Variants in CCNY observed in about 807,000 individuals in gnomAD.
The protein encoded by CCNY is cyclin Y.
CCNY carries 19 observed loss-of-function variants against 42.8 expected under a neutral mutation model. That is an observed-to-expected ratio of 0.44 (90% confidence interval 0.31 to 0.65). CCNY has a LOEUF of 0.65. Ranked by LOEUF, CCNY falls within the 30% of genes least tolerant of loss-of-function variation. The pLI, the probability that CCNY is intolerant of heterozygous loss-of-function variation, is 0.07. For synonymous variants in CCNY, 165 were observed against 162.7 expected (o/e 1.01, Z -0.11); for missense variants, 370 against 437.3 (o/e 0.85, Z 1.37).
intron 3 of CCNY, among the ~76,000 whole-genome samples, chr10:35,272,793 G>C (rs1024987661): frequency 6.6e-6 from 1 of 152,146 alleles, no homozygotes; most frequent in East Asian, 1.9e-4. Context: ...CCCAGTAATG[G>C]AATTGCTGGG....
chr10:35,572,064 C>T lies in CCNY; in HGVS notation c.*2894C>T, dbSNP rs1240932330. The T allele has an allele frequency of 4.0e-5, 6 of 151,882 alleles. No individual in the cohort carries two copies. The highest frequency in any genetic ancestry group is 8.8e-5 in the Non-Finnish European group (6 of 68,004). The allele number at this position is 151,882 out of a possible 1,614,324, so 9.4% of individuals were successfully genotyped here. ...TCCTGCCAAGATCGGGATGTGCCTTCATGCATGAGGTGAGGCCAGAGGTGT... is the reference window on the plus strand; with the variant it reads ...TCCTGCCAAGATCGGGATGTGCCTTTATGCATGAGGTGAGGCCAGAGGTGT... On this transcript the variant is annotated 3_prime_UTR_variant, in exon 10 of 10. Transcript: ENST00000374704.
chr10:35,484,051 T>C (rs1839733134), intron 2 of CCNY, among the ~76,000 whole-genome samples: 1 of 152,236 alleles, frequency 6.6e-6, no homozygotes, highest in Non-Finnish European at 1.5e-5. Context: ...GAGTTTTCTC[T>C]CTTTTCAGCC....
intron 1 of CCNY, among the ~76,000 whole-genome samples, chr10:35,478,587 T>A (rs1168835930): frequency 6.6e-6 from 1 of 152,204 alleles, no homozygotes; most frequent in Admixed American, 6.5e-5. Context: ...GCTAGCCATA[T>A]GGAGAAAGCT....
chr10:35,385,332 G>T (rs1011701632), intron 1 of CCNY, among the ~76,000 whole-genome samples: 1 of 152,118 alleles, frequency 6.6e-6, no homozygotes, highest in African/African-American at 2.4e-5. Context: ...CTCCCTCACC[G>T]TTTGCCAGCA....
chr10:35,351,285 T>A (rs1486202541), intron 1 of CCNY, among the ~76,000 whole-genome samples: 2 of 152,218 alleles, frequency 1.3e-5, no homozygotes, highest in Non-Finnish European at 2.9e-5. Flanking sequence ...ATACGACACA[T>A]CTGGAAGTGA....
chr10:35,493,209 C>T (rs762137207), intron 2 of CCNY, among the ~76,000 whole-genome samples: 1 of 152,192 alleles, frequency 6.6e-6, no homozygotes, highest in Non-Finnish European at 1.5e-5. Context: ...TACCTTTTAT[C>T]ATATCCTCTC....
intron 1 of CCNY, among the ~76,000 whole-genome samples, chr10:35,423,381 C>G (rs1282745982): frequency 6.6e-6 from 1 of 151,764 alleles, no homozygotes; most frequent in Non-Finnish European, 1.5e-5. Flanking sequence ...AGGCTGAGGT[C>G]CGCGGATTAC....
chr10:35,368,324 T>C (rs1479868981), intron 1 of CCNY, among the ~76,000 whole-genome samples: 1 of 152,228 alleles, frequency 6.6e-6, no homozygotes, highest in East Asian at 1.9e-4. Flanking sequence ...TTGCAGAAAC[T>C]GCTTTGCACT....
chr10:35,503,157 C>CA (rs1840145362), intron 3 of CCNY, among the ~76,000 whole-genome samples: 1 of 152,154 alleles, frequency 6.6e-6, no homozygotes, highest in South Asian at 2.1e-4. Flanking sequence ...GCACCTGCCA[C>CA]ACACTTGAGA....
At chr10:35,458,160 C>A (rs1839079020) in intron 1 of CCNY, among the ~76,000 whole-genome samples, 1 of 152,180 alleles carries the variant, frequency 6.6e-6, no homozygotes, top group African/African-American at 2.4e-5. Flanking sequence ...TGCTTGACTG[C>A]TGTAGAGGAA....
chr10:35,284,016 G>A (rs1835325966), intron 3 of CCNY, among the ~76,000 whole-genome samples: 1 of 152,064 alleles, frequency 6.6e-6, no homozygotes, highest in Admixed American at 6.6e-5. Flanking sequence ...CCCGGGAGAT[G>A]GGGGCTGCAG....
At chr10:35,369,724 T>C (rs997050474) in intron 1 of CCNY, among the ~76,000 whole-genome samples, 1 of 152,242 alleles carries the variant, frequency 6.6e-6, no homozygotes, top group African/African-American at 2.4e-5. Flanking sequence ...CCTACTAATA[T>C]GCTGCTTAAT....
chr10:35,470,949 C>T (rs1839379986), intron 1 of CCNY, among the ~76,000 whole-genome samples: 1 of 152,138 alleles, frequency 6.6e-6, no homozygotes, highest in East Asian at 1.9e-4. Context: ...ATGTGACTAC[C>T]TAAAATTGAA....
chr10:35,327,594 C>T (rs1032958138), intron 3 of CCNY: 1 of 152,200 alleles, frequency 6.6e-6, no homozygotes, highest in Non-Finnish European at 1.5e-5. Context: ...TGCTTTCCTT[C>T]TGCTACTGTA....
Position 35,370,936 on chromosome 10 carries a change from C to T in CCNY, c.154+33729C>T, listed in dbSNP as rs563428899. On this transcript the variant is annotated intron_variant, in intron 1 of 9. Transcript: ENST00000374704. ...TTCACCATGTTAGCCAGGATGGTCT[C>T]GATCTCCTGACCCAGTGATCCGTCC... is the stretch of plus-strand genomic sequence containing the variant. Among the ~76,000 whole-genome samples, 967 of 151,854 alleles carry T rather than the reference C, an allele frequency of 6.4e-3. 10 individuals are homozygous for T. The highest frequency in any genetic ancestry group is 0.022 in the African/African-American group (920 of 41,338).
In CCNY at chr10:35,548,290, A is replaced by T. The variant is rs1241209927; in HGVS notation, c.580-4729A>T. 5.5e-5 allele frequency among the ~76,000 whole-genome samples: 8 copies of T among 146,450 alleles called. No homozygotes were observed. The East Asian group carries it at 1.6e-3, about 29-fold the overall frequency. ...TACATAAATATAAATATATATATTT[A>T]TGTATATATATATATATATATTTTA... On this transcript the variant is annotated intron_variant, in intron 7 of 9. Coordinates refer to ENST00000374704, the MANE Select transcript of CCNY (RefSeq NM_145012.6).
chr10:35,533,125 C>A (rs1346184015), intron 7 of CCNY, among the ~76,000 whole-genome samples: 2 of 152,124 alleles, frequency 1.3e-5, no homozygotes, highest in African/African-American at 4.8e-5. Context: ...GTATTAATAG[C>A]TTTCCCCACC....
At chr10:35,411,267 C>CT (rs142621238) in intron 1 of CCNY, among the ~76,000 whole-genome samples, 2,780 of 152,200 alleles carry the variant, frequency 0.018, 71 homozygotes, top group East Asian at 0.056. Context: ...AATCCCAGCA[C>CT]TTTGGGAGGC....
At chr10:35,300,863 G>C (rs1263644229) in intron 3 of CCNY, among the ~76,000 whole-genome samples, 1 of 152,028 alleles carries the variant, frequency 6.6e-6, no homozygotes, top group East Asian at 1.9e-4. Context: ...GGAGTGCAGT[G>C]GTGCAATCTC....
Sources: allele counts gnomAD v4.1 joint callset (sites outside exome capture counted in the v4.1 genomes callset), GRCh38; gene constraint gnomAD v4.1.1; transcripts MANE v1.5; gene names NCBI Gene and HGNC (gene_info 2026-07-23, HGNC 2026-07-21).